The following WARS2 variants were observed in gnomAD, a reference collection of about 807,000 sequenced individuals.
The protein encoded by WARS2 is tryptophanyl tRNA synthetase 2, mitochondrial.
Under a neutral mutation model 36.5 loss-of-function variants are expected in WARS2, and 28 were observed. The observed-to-expected ratio is 0.77, with a 90% confidence interval of 0.57 to 1.05. The LOEUF (loss-of-function observed/expected upper bound fraction) is 1.05, where lower values mean the gene tolerates loss of function less well. WARS2 is among the 50% of genes least tolerant of loss of function. The probability of loss-of-function intolerance (pLI) is 0.00; values close to 1 mark genes in which losing one functional copy is unlikely to be tolerated. For synonymous variants in WARS2, 174 were observed against 178.4 expected, an observed-to-expected ratio of 0.98 and a Z score of 0.20; for missense variants, 435 against 456.8, an observed-to-expected ratio of 0.95 and a Z score of 0.44.
chr1:119,075,662 A>G (rs2101312651), intron 2 of WARS2, among the ~76,000 whole-genome samples: 1 of 152,328 alleles, frequency 6.6e-6, no homozygotes, highest in East Asian at 1.9e-4. Flanking sequence ...CAGATACATA[A>G]TGAAGGCATG....
At chr1:119,088,819 T>C (rs1377425261) in intron 1 of WARS2, among the ~76,000 whole-genome samples, 3 of 152,120 alleles carry the variant, frequency 2.0e-5, no homozygotes, top group African/African-American at 7.2e-5. Flanking sequence ...CTGAGGAGTG[T>C]TCAACATCAG....
intron 1 of WARS2, among the ~76,000 whole-genome samples, chr1:119,084,213 A>C: frequency 6.6e-6 from 1 of 151,954 alleles, no homozygotes; most frequent in Non-Finnish European, 1.5e-5. Context: ...ATTTATATGA[A>C]ATATCCAGAA....
At chr1:119,069,173 T>A (rs1651111883) in intron 2 of WARS2, among the ~76,000 whole-genome samples, 1 of 152,208 alleles carries the variant, frequency 6.6e-6, no homozygotes. Flanking sequence ...ATAATTTAGC[T>A]GTAAGTAATT....
At chr1:119,072,058 T>G (rs1486967572) in intron 2 of WARS2, among the ~76,000 whole-genome samples, 5 of 152,184 alleles carry the variant, frequency 3.3e-5, no homozygotes, top group African/African-American at 1.2e-4. Flanking sequence ...CTACTAGAAC[T>G]CTGTATATAA....
chr1:119,121,996 A>G (rs1655355655), intron 1 of WARS2, among the ~76,000 whole-genome samples: 1 of 152,116 alleles, frequency 6.6e-6, no homozygotes. Flanking sequence ...AGAATTCATG[A>G]GCAAGTGCCC....
chr1:119,131,682 T>C (rs957870596), intron 1 of WARS2, among the ~76,000 whole-genome samples: 21 of 151,982 alleles, frequency 1.4e-4, no homozygotes, highest in Non-Finnish European at 2.4e-4. Context: ...AGGATGGTCT[T>C]GATCTCCTGA....
chr1:119,057,238 T>C (rs1206987030), intron 2 of WARS2, among the ~76,000 whole-genome samples: 2 of 151,916 alleles, frequency 1.3e-5, no homozygotes, highest in Non-Finnish European at 2.9e-5. Flanking sequence ...CTCTGCCTCC[T>C]GGGTTCAAGT....
intron 3 of WARS2, among the ~76,000 whole-genome samples, chr1:119,044,548 A>T (rs964335439): frequency 1.3e-5 from 2 of 152,236 alleles, no homozygotes; most frequent in Non-Finnish European, 2.9e-5. Flanking sequence ...TCAGGCTGCT[A>T]TAACAAAATA....
chr1:119,078,576 T>C (rs750014840), intron 1 of WARS2, among the ~76,000 whole-genome samples: 1 of 152,186 alleles, frequency 6.6e-6, no homozygotes, highest in Non-Finnish European at 1.5e-5. Flanking sequence ...TCTTTGATTA[T>C]TAAAGAAGTT....
At chr1:119,045,689 A>T in intron 2 of WARS2, 27 bp from the exon 3 acceptor site, 1 of 1,546,110 alleles carries the variant, frequency 6.5e-7, no homozygotes, top group Non-Finnish European at 8.8e-7. Flanking sequence ...GAACATTAGT[A>T]AAGGTGGCCA....
intron 1 of WARS2, 129 bp downstream of exon 1, chr1:119,140,426 T>C (rs1329618146): frequency 1.3e-6 from 1 of 756,254 alleles, no homozygotes; most frequent in Non-Finnish European, 2.1e-6. Context: ...CATAGACGAG[T>C]AGACCTTAGG....
intron 2 of WARS2, among the ~76,000 whole-genome samples, chr1:119,062,167 G>C (rs777996292): frequency 2.0e-5 from 3 of 152,158 alleles, no homozygotes; most frequent in Non-Finnish European, 4.4e-5. Flanking sequence ...ACACCTATGA[G>C]TACACCTGGA....
chr1:119,119,061 C>T (rs1199407264), intron 1 of WARS2, among the ~76,000 whole-genome samples: 2 of 152,092 alleles, frequency 1.3e-5, no homozygotes, highest in Admixed American at 6.6e-5. Flanking sequence ...ATGAATAAAA[C>T]AGTACCTCAC....
At chr1:119,034,277 G>T in intron 4 of WARS2, 64 bp from the exon 5 acceptor site, 1 of 1,253,328 alleles carries the variant, frequency 8.0e-7, no homozygotes, top group Non-Finnish European at 1.2e-6. Flanking sequence ...AAATGATATT[G>T]CAAGCAGCTG....
intron 1 of WARS2, among the ~76,000 whole-genome samples, chr1:119,130,212 A>G (rs971466266): frequency 3.3e-5 from 5 of 152,152 alleles, no homozygotes; most frequent in Admixed American, 2.6e-4. Flanking sequence ...AAGAAAGCAT[A>G]CTCTTGATTA....
chr1:119,104,492 A>G (rs769186664), intron 1 of WARS2, among the ~76,000 whole-genome samples: 1 of 151,820 alleles, frequency 6.6e-6, no homozygotes, highest in Non-Finnish European at 1.5e-5. Flanking sequence ...AGAGTCATTC[A>G]TTCAACAAAT....
intron 1 of WARS2, among the ~76,000 whole-genome samples, chr1:119,105,858 C>T (rs780967166): frequency 5.9e-5 from 9 of 151,912 alleles, no homozygotes; most frequent in Non-Finnish European, 1.0e-4. Context: ...TGCAGTGAGC[C>T]GAGACTGAGC....
chr1:119,088,792 C>T (rs1414912058), intron 1 of WARS2, among the ~76,000 whole-genome samples: 1 of 152,138 alleles, frequency 6.6e-6, no homozygotes, highest in East Asian at 1.9e-4. Context: ...CTGGACATCA[C>T]CAAGGAAGTA....
intron 1 of WARS2, chr1:119,086,023 T>TA: frequency 6.6e-7 from 1 of 1,521,722 alleles, no homozygotes; most frequent in Non-Finnish European, 9.0e-7. Context: ...ATACCCTGGC[T>TA]AATTTTTTAA....
Sources: allele counts gnomAD v4.1 joint callset (sites outside exome capture counted in the v4.1 genomes callset), GRCh38; gene constraint gnomAD v4.1.1; transcripts MANE v1.5; gene names NCBI Gene and HGNC (gene_info 2026-07-23, HGNC 2026-07-21).